Variants in DAB1 observed in about 807,000 individuals in gnomAD.
DAB1 encodes the protein disabled homolog 1.
Under a neutral mutation model 64.6 loss-of-function variants are expected in DAB1, and 15 were observed. The ratio of observed to expected loss-of-function variants is 0.23; its 90% confidence interval spans 0.16 to 0.36. The LOEUF is 0.36. DAB1 is among the 10% of genes least tolerant of loss of function. The pLI is 1.00. For synonymous variants in DAB1, 235 were observed against 251.9 expected, an observed-to-expected ratio of 0.93 and a Z score of 0.64; for missense variants, 596 against 706.7, an observed-to-expected ratio of 0.84 and a Z score of 1.78.
intron 4 of DAB1, among the ~76,000 whole-genome samples, chr1:58,321,046 G>A (rs995718906): frequency 6.6e-6 from 1 of 152,204 alleles, no homozygotes; most frequent in African/African-American, 2.4e-5. Context: ...GCTCTAGTAA[G>A]ACCACCTCCA....
chr1:57,800,522 A>G (rs1651073302), intron 6 of DAB1, among the ~76,000 whole-genome samples: 1 of 152,212 alleles, frequency 6.6e-6, no homozygotes, highest in African/African-American at 2.4e-5. Context: ...AAGCACTAAA[A>G]TTAAATCTGG....
At chr1:57,511,128 C>T (rs551311397) in intron 7 of DAB1, among the ~76,000 whole-genome samples, 3 of 152,330 alleles carry the variant, frequency 2.0e-5, no homozygotes, top group Admixed American at 2.0e-4. Context: ...TGGTCCTCTA[C>T]TTATACTCTA....
At chr1:57,635,510 G>A (rs1166241666) in intron 7 of DAB1, among the ~76,000 whole-genome samples, 4 of 152,056 alleles carry the variant, frequency 2.6e-5, no homozygotes, top group East Asian at 3.9e-4. Context: ...TCTAGGTTGC[G>A]TGCTCCTTAT....
intron 7 of DAB1, among the ~76,000 whole-genome samples, chr1:57,600,035 T>C (rs1645557767): frequency 2.0e-5 from 3 of 152,146 alleles, no homozygotes; most frequent in Admixed American, 2.0e-4. Context: ...AGATCAGGTC[T>C]CACATTTGAT....
At chr1:57,353,472 T>C (rs919203363) in intron 1 of DAB1, among the ~76,000 whole-genome samples, 13 of 152,196 alleles carry the variant, frequency 8.5e-5, no homozygotes, top group Non-Finnish European at 1.3e-4. Context: ...GAGCTTCCAA[T>C]AGACAACAGA....
At chr1:57,913,704 G>A (rs1644683040) in intron 5 of DAB1, among the ~76,000 whole-genome samples, 1 of 152,114 alleles carries the variant, frequency 6.6e-6, no homozygotes, top group African/African-American at 2.4e-5. Context: ...ATCTGACAAA[G>A]GGCTAATGTC....
chr1:58,093,310 C>G (rs1052143110), intron 5 of DAB1, among the ~76,000 whole-genome samples: 2 of 152,062 alleles, frequency 1.3e-5, no homozygotes, highest in Admixed American at 6.6e-5. Context: ...AATTCAGGAA[C>G]CTGACACTTT....
intron 4 of DAB1, among the ~76,000 whole-genome samples, chr1:57,082,669 T>C (rs926929974): frequency 6.6e-6 from 1 of 152,154 alleles, no homozygotes; most frequent in Non-Finnish European, 1.5e-5. Flanking sequence ...TTTACCCTGA[T>C]GTTCTCCCTC....
intron 4 of DAB1, among the ~76,000 whole-genome samples, chr1:57,108,301 A>T (rs1258769841): frequency 6.6e-6 from 1 of 152,150 alleles, no homozygotes; most frequent in Non-Finnish European, 1.5e-5. Context: ...TTATAAGTCA[A>T]TCTCACATCC....
chr1:58,228,911 G>A (rs1659645610), intron 4 of DAB1: 5 of 511,240 alleles, frequency 9.8e-6, no homozygotes, highest in South Asian at 6.9e-5. Context: ...GCTGTAGTGT[G>A]TAGAAAATGC....
intron 4 of DAB1, among the ~76,000 whole-genome samples, chr1:57,108,367 A>G (rs1441802440): frequency 6.6e-6 from 1 of 152,102 alleles, no homozygotes; most frequent in Non-Finnish European, 1.5e-5. Context: ...ATCTACCTGC[A>G]CTCAGCTGTT....
At chr1:57,975,431 T>G (rs1201381) in intron 5 of DAB1, among the ~76,000 whole-genome samples, 145,076 of 152,250 alleles carry the variant, frequency 0.95, 69,542 homozygotes, top group East Asian at 1. Flanking sequence ...GACTGACAAA[T>G]TCATATTCCA....
At chr1:57,503,095 C>A (rs1190201891) in intron 7 of DAB1, among the ~76,000 whole-genome samples, 1 of 152,122 alleles carries the variant, frequency 6.6e-6, no homozygotes, top group Non-Finnish European at 1.5e-5. Flanking sequence ...TGGCTTGACT[C>A]CAAATTGTAT....
At chr1:57,312,612 C>G (rs1471004921) in intron 1 of DAB1, among the ~76,000 whole-genome samples, 2 of 152,100 alleles carry the variant, frequency 1.3e-5, no homozygotes, top group Non-Finnish European at 2.9e-5. Flanking sequence ...CTAATGCATC[C>G]AGGATCTGAT....
At chr1:58,454,955 G>A (rs1341105054) in intron 3 of DAB1, among the ~76,000 whole-genome samples, 1 of 152,210 alleles carries the variant, frequency 6.6e-6, no homozygotes, top group African/African-American at 2.4e-5. Flanking sequence ...GTCACTCAGT[G>A]GTGACGTGTA....
chr1:58,020,872 G>A (rs547969564), intron 5 of DAB1, among the ~76,000 whole-genome samples: 5 of 152,186 alleles, frequency 3.3e-5, no homozygotes, highest in East Asian at 1.9e-4. Context: ...GGGTGATGGC[G>A]CACACCTGTA....
At chr1:57,185,038 G>A (rs1014949228) in intron 2 of DAB1, among the ~76,000 whole-genome samples, 9 of 152,196 alleles carry the variant, frequency 5.9e-5, no homozygotes, top group South Asian at 2.1e-4. Flanking sequence ...CCCACCCCAG[G>A]ATCCTGCCAT....
intron 1 of DAB1, among the ~76,000 whole-genome samples, chr1:57,372,842 AG>A (rs1263692548): frequency 1.3e-5 from 2 of 152,156 alleles, no homozygotes; most frequent in Non-Finnish European, 2.9e-5. Flanking sequence ...CCACTTTACA[AG>A]CAAAAAATGA....
At chr1:57,485,826 G>C (rs935104634) in intron 7 of DAB1, among the ~76,000 whole-genome samples, 3 of 152,184 alleles carry the variant, frequency 2.0e-5, no homozygotes, top group African/African-American at 7.2e-5. Context: ...GTTCAAGAAA[G>C]TCCTTGGTAA....
Sources: allele counts gnomAD v4.1 joint callset (sites outside exome capture counted in the v4.1 genomes callset), GRCh38; gene constraint gnomAD v4.1.1; transcripts MANE v1.5; gene names NCBI Gene and HGNC (gene_info 2026-07-23, HGNC 2026-07-21).